Variants in ADIPOR2 observed in about 807,000 individuals in gnomAD.
ADIPOR2 encodes adiponectin receptor 2.
A neutral mutation model predicts 40.9 loss-of-function variants in ADIPOR2; 18 were observed. The ratio of observed to expected loss-of-function variants is 0.44; its 90% CI spans 0.30 to 0.65. ADIPOR2 has a LOEUF of 0.65. Ranked by LOEUF, ADIPOR2 falls within the 30% of genes least tolerant of loss-of-function variation. The probability of loss-of-function intolerance (pLI) is 0.09; values close to 1 mark genes in which losing one functional copy is unlikely to be tolerated. For synonymous variants in ADIPOR2, 165 were observed against 166.4 expected, an observed-to-expected ratio of 0.99 and a Z score of 0.06; for missense variants, 283 against 479.2, an observed-to-expected ratio of 0.59 and a Z score of 3.82.
chr12:1,754,295 A>C lies in ADIPOR2; in HGVS notation c.-49A>C. On this transcript the variant is annotated 5_prime_UTR_variant, in exon 2 of 8. Transcript: ENST00000357103. ...ATCCTGAAGGTCCATTCTCCCAAGAAGAGGGGACAGAAAGACAGATCTATT... is the reference window on the plus strand; with the variant it reads ...ATCCTGAAGGTCCATTCTCCCAAGACGAGGGGACAGAAAGACAGATCTATT... 1 of 1,499,586 alleles carries C rather than the reference A, an allele frequency of 6.7e-7. No homozygotes were observed. The allele number at this position is 1,499,586 out of a possible 1,614,324, so 92.9% of individuals were successfully genotyped here.
intron 1 of ADIPOR2, among the ~76,000 whole-genome samples, chr12:1,708,290 G>C (rs1358585299): frequency 6.6e-6 from 1 of 151,954 alleles, no homozygotes; most frequent in Non-Finnish European, 1.5e-5. Context: ...CAGTCCACCA[G>C]GGATACCGAG....
chr12:1,772,614 T>C (rs935330514), intron 2 of ADIPOR2: 3 of 378,688 alleles, frequency 7.9e-6, no homozygotes, highest in Non-Finnish European at 1.3e-5. Context: ...GAAACAGAGA[T>C]GCTGCTATAG....
chr12:1,695,903 A>G (rs534628908), intron 1 of ADIPOR2: 210 of 152,280 alleles, frequency 1.4e-3, no homozygotes, highest in African/African-American at 4.9e-3. Flanking sequence ...CTTTTCCCCA[A>G]AGGAATGCTT....
chr12:1,745,367 T>C (rs757243214), intron 1 of ADIPOR2, among the ~76,000 whole-genome samples: 2 of 152,240 alleles, frequency 1.3e-5, no homozygotes, highest in African/African-American at 4.8e-5. Context: ...TGCTTTTGTC[T>C]GTGGCCGATC....
chr12:1,710,716 G>A lies in ADIPOR2; in HGVS notation c.-87+19525G>A, dbSNP rs1316605921. On this transcript the variant is annotated intron_variant, in intron 1 of 7. Coordinates refer to ENST00000357103, the MANE Select transcript of ADIPOR2 (RefSeq NM_024551.3). ...CAAGAGGGGAAAGCCATTCAGCTGC[G>A]GGGTCCCAACAAAAAGTTGGTTGAC... Among the ~76,000 whole-genome samples the A allele has an allele frequency of 3.9e-5, 6 of 151,972 alleles. No individual in the cohort carries two copies. In the South Asian group the frequency reaches 6.2e-4, roughly 16 times the overall value.
intron 6 of ADIPOR2, among the ~76,000 whole-genome samples, chr12:1,782,097 C>CTTA (rs1862730618): frequency 1.3e-5 from 2 of 152,188 alleles, no homozygotes; most frequent in African/African-American, 4.8e-5. Context: ...GCAGCCTTTG[C>CTTA]TTAGCATGTA....
At chr12:1,729,787 T>C (rs2094716107) in intron 1 of ADIPOR2, among the ~76,000 whole-genome samples, 2 of 152,156 alleles carry the variant, frequency 1.3e-5, no homozygotes, top group African/African-American at 4.8e-5. Flanking sequence ...TGTTTATTTC[T>C]TAGAGAAATG....
intron 1 of ADIPOR2, among the ~76,000 whole-genome samples, chr12:1,716,776 G>A (rs911611901): frequency 1.3e-5 from 2 of 152,108 alleles, no homozygotes; most frequent in African/African-American, 4.8e-5. Context: ...TAAAACCTTA[G>A]CAATTTTTCA....
intron 1 of ADIPOR2, among the ~76,000 whole-genome samples, chr12:1,691,577 C>T (rs544242990): frequency 2.6e-5 from 4 of 152,346 alleles, no homozygotes; most frequent in Admixed American, 2.6e-4. Context: ...CTCTTCGTCT[C>T]TTGTCTGTTT....
chr12:1,754,757 G>A (rs960987770), intron 2 of ADIPOR2, among the ~76,000 whole-genome samples: 6 of 145,714 alleles, frequency 4.1e-5, no homozygotes, highest in Admixed American at 6.9e-5. Flanking sequence ...CTATTGAGAC[G>A]GAGTCTCGCT....
At chr12:1,695,005 G>A (rs1400688076) in intron 1 of ADIPOR2, among the ~76,000 whole-genome samples, 1 of 134,260 alleles carries the variant, frequency 7.4e-6, no homozygotes, top group African/African-American at 2.6e-5. Context: ...TATTCTTTGT[G>A]TTGCAGTTTT....
At chr12:1,724,496 G>T (rs2094703992) in intron 1 of ADIPOR2, among the ~76,000 whole-genome samples, 1 of 152,104 alleles carries the variant, frequency 6.6e-6, no homozygotes, top group South Asian at 2.1e-4. Context: ...GGAGAAGAGG[G>T]AATGGAGAGT....
intron 1 of ADIPOR2, among the ~76,000 whole-genome samples, chr12:1,712,623 C>T (rs1257301177): frequency 6.6e-6 from 1 of 152,034 alleles, no homozygotes; most frequent in Non-Finnish European, 1.5e-5. Context: ...CTAGGGCCTG[C>T]TTTAAGGATT....
intron 1 of ADIPOR2, among the ~76,000 whole-genome samples, chr12:1,743,176 G>A (rs907621856): frequency 6.7e-6 from 1 of 148,744 alleles, no homozygotes; most frequent in Admixed American, 6.7e-5. Flanking sequence ...AGGATCTCTT[G>A]AGGTCAGGGG....
At chr12:1,728,667 T>A (rs1450157791) in intron 1 of ADIPOR2, among the ~76,000 whole-genome samples, 1 of 151,710 alleles carries the variant, frequency 6.6e-6, no homozygotes, top group Non-Finnish European at 1.5e-5. Flanking sequence ...GAGGTTACAG[T>A]GAGCCAAGAT....
intron 3 of ADIPOR2, among the ~76,000 whole-genome samples, chr12:1,773,673 G>A (rs1381300768): frequency 6.6e-6 from 1 of 152,072 alleles, no homozygotes; most frequent in Non-Finnish European, 1.5e-5. Context: ...CAGTCTGTGT[G>A]TATACGTATG....
At chr12:1,773,560 T>C (rs1219930076) in intron 3 of ADIPOR2, among the ~76,000 whole-genome samples, 1 of 151,314 alleles carries the variant, frequency 6.6e-6, no homozygotes, top group Non-Finnish European at 1.5e-5. Context: ...AGAATTGAGT[T>C]TGCCTGCTTA....
At chr12:1,776,610 A>T (rs1349947737) in intron 3 of ADIPOR2, among the ~76,000 whole-genome samples, 2 of 152,198 alleles carry the variant, frequency 1.3e-5, no homozygotes, top group Non-Finnish European at 2.9e-5. Flanking sequence ...CAGAGTGCAG[A>T]GGTTGACAGA....
chr12:1,746,533 G>A (rs1047933820), intron 1 of ADIPOR2, among the ~76,000 whole-genome samples: 44 of 151,974 alleles, frequency 2.9e-4, no homozygotes, highest in African/African-American at 1.0e-3. Flanking sequence ...AAGAGACAAG[G>A]AAGAGCATTA....
Sources: allele counts gnomAD v4.1 joint callset (sites outside exome capture counted in the v4.1 genomes callset), GRCh38; gene constraint gnomAD v4.1.1; transcripts MANE v1.5; gene names NCBI Gene and HGNC (gene_info 2026-07-23, HGNC 2026-07-21).